Variants in SHISA9 observed in about 807,000 individuals in gnomAD.
SHISA9 encodes the protein protein shisa-9.
A neutral mutation model predicts 38.0 loss-of-function variants in SHISA9; 13 were observed. The ratio of observed to expected loss-of-function variants is 0.34; its 90% CI spans 0.22 to 0.54. The LOEUF is 0.54. SHISA9 is among the 20% of genes least tolerant of loss of function. SHISA9 has a pLI of 0.91. For missense variants in SHISA9, 538 were observed against 575.8 expected (o/e 0.93, Z 0.67); for synonymous variants, 275 against 242.0 (o/e 1.14, Z -1.27).
the SHISA9 span, among the ~76,000 whole-genome samples, chr16:13,484,836 C>G: frequency 6.6e-6 from 1 of 152,096 alleles, no homozygotes; most frequent in Non-Finnish European, 1.5e-5. Context: ...CCTGCTATCA[C>G]AAGAACAGCA....
At chr16:13,049,887 A>T (rs182965811) in intron 2 of SHISA9, among the ~76,000 whole-genome samples, 8 of 150,762 alleles carry the variant, frequency 5.3e-5, no homozygotes, top group Admixed American at 3.3e-4. Context: ...AGCATCCGGA[A>T]CCCCACTCCT....
chr16:13,065,588 C>G (rs553093862), intron 2 of SHISA9, among the ~76,000 whole-genome samples: 23 of 152,320 alleles, frequency 1.5e-4, no homozygotes, highest in Admixed American at 1.4e-3. Context: ...GGTGAGATTT[C>G]TTTTCTGCTT....
In SHISA9 at chr16:13,030,229, A is replaced by C. The variant is rs2072974374; in HGVS notation, c.691+113414A>C. Reference sequence around the variant, plus strand: ...TAGGCACTGATGGAATCCTATTGCAAGAACCCCCCACTCAGACTGTCTGGG... The same window carrying C: ...TAGGCACTGATGGAATCCTATTGCACGAACCCCCCACTCAGACTGTCTGGG... On this transcript the variant is annotated intron_variant, in intron 2 of 4. Coordinates refer to ENST00000558583, the MANE Select transcript of SHISA9 (RefSeq NM_001145204.3). Among the ~76,000 whole-genome samples the C allele has an allele frequency of 2.6e-5, 4 of 152,246 alleles. 1 individual carries two copies. In the South Asian group the frequency reaches 6.2e-4, roughly 24 times the overall value.
rs547905712 is a variant in SHISA9, at chr16:13,091,020, C to T, written c.692-112374C>T. Reference sequence around the variant, plus strand: ...TGGTGACAAAATCTCTGAGCATTGGCTTGTCTGTAAAGGATTTTATTTCTC... The same window carrying T: ...TGGTGACAAAATCTCTGAGCATTGGTTTGTCTGTAAAGGATTTTATTTCTC... On this transcript the variant is annotated intron_variant, in intron 2 of 4. Coordinates refer to ENST00000558583, the MANE Select transcript of SHISA9 (RefSeq NM_001145204.3). 2.1e-3 allele frequency among the ~76,000 whole-genome samples: 318 copies of T among 152,282 alleles called. 2 individuals are homozygous for T. The highest frequency in any genetic ancestry group is 7.2e-3 in the African/African-American group (300 of 41,544).
At chr16:13,307,893 G>A in the SHISA9 span, among the ~76,000 whole-genome samples, 1 of 152,200 alleles carries the variant, frequency 6.6e-6, no homozygotes, top group Non-Finnish European at 1.5e-5. Flanking sequence ...ATGATTAGGT[G>A]AGGATGATTA....
the SHISA9 span, among the ~76,000 whole-genome samples, chr16:13,400,766 C>T: frequency 2.6e-5 from 4 of 152,144 alleles, no homozygotes; most frequent in Admixed American, 2.0e-4. Flanking sequence ...CACATTGACC[C>T]CCAATAAGCC....
the SHISA9 span, among the ~76,000 whole-genome samples, chr16:13,385,915 A>G: frequency 2.0e-5 from 3 of 152,226 alleles, no homozygotes; most frequent in South Asian, 2.1e-4. Flanking sequence ...GCCACATACA[A>G]TATGACTCCA....
chr16:13,361,690 C>A, the SHISA9 span, among the ~76,000 whole-genome samples: 1 of 152,312 alleles, frequency 6.6e-6, no homozygotes, highest in South Asian at 2.1e-4. Flanking sequence ...GTTCCACCTG[C>A]ACGTCTTCAA....
intron 2 of SHISA9, among the ~76,000 whole-genome samples, chr16:13,026,828 G>T (rs905062): frequency 0.62 from 94,385 of 152,020 alleles, 30,255 homozygotes; most frequent in Middle Eastern, 0.73. Flanking sequence ...CTAACAAGTA[G>T]CCATGATGCT....
rs532871987 is a variant in SHISA9 at position 13,193,741 on chromosome 16, C to A, written c.692-9653C>A. On this transcript the variant is annotated intron_variant, in intron 2 of 4. Coordinates refer to ENST00000558583, the MANE Select transcript of SHISA9 (RefSeq NM_001145204.3). Reference sequence around the variant, plus strand: ...GGAGGGAGAATGAAGTGGAAGGAAACCCAGTCCACACAACTGTGTAGGGCC... The same window carrying A: ...GGAGGGAGAATGAAGTGGAAGGAAAACCAGTCCACACAACTGTGTAGGGCC... Among the ~76,000 whole-genome samples the A allele has an allele frequency of 3.3e-5, 5 of 152,310 alleles. No homozygotes were observed. The East Asian group carries it at 7.7e-4, about 23-fold the overall frequency.
chr16:13,305,572 G>T, the SHISA9 span, among the ~76,000 whole-genome samples: 2 of 152,194 alleles, frequency 1.3e-5, no homozygotes, highest in African/African-American at 4.8e-5. Context: ...TAAGCTGCCT[G>T]GTGGGGAAGT....
At chr16:13,395,181 C>T in the SHISA9 span, among the ~76,000 whole-genome samples, 1 of 152,066 alleles carries the variant, frequency 6.6e-6, no homozygotes. Context: ...GGCTGGTGCA[C>T]CTTCGAGGAG....
the SHISA9 span, among the ~76,000 whole-genome samples, chr16:13,559,649 T>C: frequency 1.3e-5 from 2 of 152,096 alleles, no homozygotes; most frequent in South Asian, 4.1e-4. Context: ...TCCCAAAGTG[T>C]TGGGATTGCA....
the SHISA9 span, among the ~76,000 whole-genome samples, chr16:13,363,835 G>A: frequency 6.6e-4 from 101 of 152,284 alleles, no homozygotes; most frequent in Non-Finnish European, 9.8e-4. Flanking sequence ...TACTATTCAA[G>A]GTCTCTAGGG....
chr16:13,034,378 C>T (rs943709186), intron 2 of SHISA9, among the ~76,000 whole-genome samples: 3 of 152,152 alleles, frequency 2.0e-5, no homozygotes, highest in Non-Finnish European at 2.9e-5. Flanking sequence ...TGCTAATGAG[C>T]AGTGATGCCA....
the SHISA9 span, among the ~76,000 whole-genome samples, chr16:13,560,395 G>A: frequency 6.6e-6 from 1 of 152,130 alleles, no homozygotes; most frequent in East Asian, 1.9e-4. Context: ...GTCTAATCAT[G>A]GAGCTAAGTA....
At chr16:13,454,688 C>G in the SHISA9 span, among the ~76,000 whole-genome samples, 1 of 152,164 alleles carries the variant, frequency 6.6e-6, no homozygotes, top group Non-Finnish European at 1.5e-5. Context: ...AGACTGTCCC[C>G]CGAAGCCCAT....
At chr16:13,478,836 G>A in the SHISA9 span, among the ~76,000 whole-genome samples, 10 of 152,166 alleles carry the variant, frequency 6.6e-5, no homozygotes, top group East Asian at 1.5e-3. Flanking sequence ...TCTGGGAGTG[G>A]TGCTTGGGGA....
intron 4 of SHISA9, among the ~76,000 whole-genome samples, chr16:13,230,728 G>T (rs951337748): frequency 2.6e-5 from 4 of 152,156 alleles, no homozygotes; most frequent in Non-Finnish European, 4.4e-5. Context: ...AGGAATAAAA[G>T]AATGGTTACT....
Sources: allele counts gnomAD v4.1 joint callset (sites outside exome capture counted in the v4.1 genomes callset), GRCh38; gene constraint gnomAD v4.1.1; transcripts MANE v1.5; gene names NCBI Gene and HGNC (gene_info 2026-07-23, HGNC 2026-07-21).